Variants in TM9SF2 observed in about 807,000 individuals in gnomAD.
TM9SF2 encodes the protein transmembrane 9 superfamily member 2.
In TM9SF2, 13 loss-of-function variants were observed where a neutral mutation model predicts 84.9. That is an observed-to-expected ratio of 0.15 (90% CI 0.10 to 0.24). The LOEUF (loss-of-function observed/expected upper bound fraction) is 0.24, where lower values mean the gene tolerates loss of function less well. Among genes scored for constraint, TM9SF2 ranks in the 10% least tolerant of loss-of-function variants. The pLI, the probability that TM9SF2 is intolerant of heterozygous loss-of-function variation, is 1.00. For synonymous variants in TM9SF2, 273 were observed against 285.8 expected (o/e 0.96, Z 0.45); for missense variants, 562 against 818.5 (o/e 0.69, Z 3.82).
chr13:99,526,705 G>C (rs1240856646), intron 3 of TM9SF2, among the ~76,000 whole-genome samples: 1 of 152,134 alleles, frequency 6.6e-6, no homozygotes, highest in African/African-American at 2.4e-5. Flanking sequence ...CTGGAGGAGA[G>C]GGCAGAGGAT....
Position 99,541,629 on chromosome 13 carries a change from C to T in TM9SF2, c.979C>T (p.His327Tyr), listed in dbSNP as rs1166762292. ...AGCTATGATTATGTTACGGACACTG[C>T]ACAAAGATATTGCTAGATATAATCA... ...MVAMIMLRTL[H>Y]KDIARYNQMD... Residue 327 changes from histidine (H) to tyrosine (Y), a missense_variant, in exon 9 of 17, where the codon CAC becomes TAC. Around this residue, in one of 4 missense-constraint regions of TM9SF2, gnomAD observed 219 missense variants for 338.1 expected, o/e 0.65. Coordinates refer to ENST00000376387, the MANE Select transcript of TM9SF2 (RefSeq NM_004800.3). The T allele has an allele frequency of 6.2e-7, 1 of 1,612,860 alleles. No homozygotes were observed. The highest frequency in any genetic ancestry group is 8.5e-7 in the Non-Finnish European group (1 of 1,179,280).
chr13:99,512,051 G>A (rs577522951), intron 1 of TM9SF2, among the ~76,000 whole-genome samples: 54 of 152,306 alleles, frequency 3.5e-4, no homozygotes, highest in Non-Finnish European at 4.1e-4. Flanking sequence ...GGTTCAGAAG[G>A]CTGACTGTCT....
chr13:99,520,816 C>T (rs1487756471), intron 3 of TM9SF2, among the ~76,000 whole-genome samples: 1 of 152,138 alleles, frequency 6.6e-6, no homozygotes, highest in Admixed American at 6.5e-5. Context: ...GTGATTTGCC[C>T]GCCTCGGCCT....
At chr13:99,513,854 G>A (rs1032446425) in intron 1 of TM9SF2, among the ~76,000 whole-genome samples, 5 of 152,220 alleles carry the variant, frequency 3.3e-5, no homozygotes, top group Admixed American at 3.3e-4. Flanking sequence ...TGTGGATGTA[G>A]TGTCTACGGC....
At chr13:99,529,259 G>A (rs1222190003) in intron 3 of TM9SF2, among the ~76,000 whole-genome samples, 7 of 152,066 alleles carry the variant, frequency 4.6e-5, no homozygotes, top group Admixed American at 4.6e-4. Context: ...CGTATCAAAG[G>A]AAAACTTGAT....
At chr13:99,545,335 CT>C (rs143295108) in intron 10 of TM9SF2, among the ~76,000 whole-genome samples, 9 of 148,404 alleles carry the variant, frequency 6.1e-5, no homozygotes, top group Admixed American at 6.7e-5. Context: ...ACTAGGATAT[CT>C]TTTTTTTTTA....
chr13:99,517,128 T>A (rs2046138101), intron 1 of TM9SF2, among the ~76,000 whole-genome samples: 1 of 152,158 alleles, frequency 6.6e-6, no homozygotes, highest in South Asian at 2.1e-4. Flanking sequence ...TTTAAAAAAA[T>A]TTTAAGACAC....
intron 1 of TM9SF2, 58 bp downstream of exon 1, chr13:99,501,835 C>T (rs562159538): frequency 6.4e-7 from 1 of 1,553,726 alleles, no homozygotes; most frequent in African/African-American, 1.4e-5. Context: ...TCGTCCCTAT[C>T]CGGGGGAGCT....
chr13:99,523,459 T>C (rs1057111330), intron 3 of TM9SF2, among the ~76,000 whole-genome samples: 1 of 152,204 alleles, frequency 6.6e-6, no homozygotes, highest in Non-Finnish European at 1.5e-5. Flanking sequence ...CTTTATCTTA[T>C]TTTAGATCTG....
Position 99,547,153 on chromosome 13 carries a change from T to G in TM9SF2, c.1270+49T>G. 3 of 1,604,796 alleles carry G rather than the reference T, an allele frequency of 1.9e-6. No homozygotes were observed. In the African/African-American group the frequency reaches 4.0e-5, roughly 21 times the overall value. On this transcript the variant is annotated intron_variant, in intron 11 of 16. Transcript: ENST00000376387. ...GCGTCTGATCAGGAAGGGACTCTGC[T>G]GCGGCTGTGGATCTGACCTGGGTAT... is the stretch of plus-strand genomic sequence containing the variant.
intron 3 of TM9SF2, among the ~76,000 whole-genome samples, chr13:99,520,375 G>A (rs2046154127): frequency 1.3e-5 from 2 of 152,092 alleles, no homozygotes; most frequent in South Asian, 4.2e-4. Flanking sequence ...TGGCTTAAAG[G>A]GCAGGGCTCA....
chr13:99,528,568 TATTTTA>T (rs1449613887), intron 3 of TM9SF2, among the ~76,000 whole-genome samples: 7 of 152,246 alleles, frequency 4.6e-5, no homozygotes, highest in Admixed American at 1.3e-4. Context: ...CTGCTTAACT[TATTTTA>T]AGTTTGGTGT....
intron 9 of TM9SF2, 72 bp from the exon 10 acceptor site, chr13:99,543,791 C>T (rs2046270648): frequency 6.5e-7 from 1 of 1,530,396 alleles, no homozygotes; most frequent in Non-Finnish European, 8.8e-7. Context: ...GCATATTCAA[C>T]AGTGAACAAA....
intron 10 of TM9SF2, among the ~76,000 whole-genome samples, chr13:99,546,227 T>C (rs1425443984): frequency 2.0e-5 from 3 of 152,110 alleles, no homozygotes; most frequent in Non-Finnish European, 2.9e-5. Flanking sequence ...GGGGAAACAA[T>C]GGGGATTTTC....
intron 1 of TM9SF2, among the ~76,000 whole-genome samples, chr13:99,507,839 T>C (rs2046094997): frequency 6.6e-6 from 1 of 152,218 alleles, no homozygotes; most frequent in South Asian, 2.1e-4. Flanking sequence ...TCTTTCTCCC[T>C]TGAAAATCCA....
Position 99,554,372 on chromosome 13 carries a change from G to A in TM9SF2, c.1557G>A (p.Lys519=). ...RQIPEQSFYT[K]PLPGIIMGGI... is the part of the protein sequence containing the mutation. ...TTCCTGAACAGTCGTTCTACACGAAGCCCTTGCCTGGTATTATCATGGGAG... is the reference window on the plus strand; with the variant it reads ...TTCCTGAACAGTCGTTCTACACGAAACCCTTGCCTGGTATTATCATGGGAG... Residue 519 remains lysine (K), a synonymous_variant, in exon 14 of 17, where the codon AAG becomes AAA. Coordinates refer to ENST00000376387, the MANE Select transcript of TM9SF2 (RefSeq NM_004800.3). The A allele has an allele frequency of 1.2e-6, 2 of 1,614,162 alleles. No homozygotes were observed. The highest frequency in any genetic ancestry group is 1.7e-6 in the Non-Finnish European group (2 of 1,180,012).
chr13:99,554,196 T>C, intron 13 of TM9SF2, 108 bp from the exon 14 acceptor site: 3 of 1,319,588 alleles, frequency 2.3e-6, no homozygotes, highest in Non-Finnish European at 2.1e-6. Context: ...TTATTGCCAT[T>C]AGTGACAACA....
At chr13:99,530,712 C>T (rs148234107) in intron 4 of TM9SF2, among the ~76,000 whole-genome samples, 1 of 152,164 alleles carries the variant, frequency 6.6e-6, no homozygotes, top group Non-Finnish European at 1.5e-5. Flanking sequence ...AAATAAAACG[C>T]TTACATTTTG....
Position 99,562,803 on chromosome 13 carries a change from T to C in TM9SF2, c.*45T>C. 5.7e-6 allele frequency: 9 copies of C among 1,584,900 alleles called. No individual in the cohort carries two copies. Among genetic ancestry groups the C allele is most frequent in the Non-Finnish European group, 7.8e-6 (9 of 1,161,048 alleles). On this transcript the variant is annotated 3_prime_UTR_variant, in exon 17 of 17. Coordinates refer to ENST00000376387, the MANE Select transcript of TM9SF2 (RefSeq NM_004800.3). ...TTAAAACAGAAATAAATTAAACTCTTCATCAACAAAGACCTGTTTTTGTGA... is the reference window on the plus strand; with the variant it reads ...TTAAAACAGAAATAAATTAAACTCTCCATCAACAAAGACCTGTTTTTGTGA...
Sources: gnomAD v4.1 joint callset for allele counts (sites outside exome capture counted in the v4.1 genomes callset) on GRCh38, gnomAD v4.1.1 for gene constraint, gnomAD v4.1.1 regional missense constraint, MANE v1.5 for transcripts, NCBI Gene and HGNC (gene_info 2026-07-23, HGNC 2026-07-21) for gene names.